Variants in AP3B1 observed in about 807,000 individuals in gnomAD.
AP3B1 encodes adaptor related protein complex 3 subunit beta 1.
In AP3B1, 61 loss-of-function variants were observed where a neutral mutation model predicts 132.5. That is an observed-to-expected ratio of 0.46 (90% confidence interval 0.37 to 0.57). The LOEUF is 0.57. AP3B1 is among the 20% of genes least tolerant of loss of function. The probability of loss-of-function intolerance (pLI) is 0.00; values close to 1 mark genes in which losing one functional copy is unlikely to be tolerated. For synonymous variants in AP3B1, 388 were observed against 438.3 expected (o/e 0.89, Z 1.43); for missense variants, 1,120 against 1,289.4 (o/e 0.87, Z 2.01).
At chr5:78,028,612 T>A in intron 24 of AP3B1, among the ~76,000 whole-genome samples, 1 of 152,168 alleles carries the variant, frequency 6.6e-6, no homozygotes. Flanking sequence ...AGAGATTGTT[T>A]CTGATATTTC....
chr5:78,121,313 A>G (rs1047934670), intron 17 of AP3B1, among the ~76,000 whole-genome samples: 2 of 152,192 alleles, frequency 1.3e-5, no homozygotes, highest in Non-Finnish European at 2.9e-5. Context: ...CACATTCAAA[A>G]GCTAGCAGAA....
intron 22 of AP3B1, among the ~76,000 whole-genome samples, chr5:78,077,800 G>C (rs1749824737): frequency 6.6e-6 from 1 of 152,178 alleles, no homozygotes; most frequent in Non-Finnish European, 1.5e-5. Context: ...TGGTGGATTT[G>C]TCTCTAGTTC....
At chr5:78,161,173 G>T (rs1743373069) in intron 13 of AP3B1, among the ~76,000 whole-genome samples, 1 of 151,784 alleles carries the variant, frequency 6.6e-6, no homozygotes, top group Non-Finnish European at 1.5e-5. Context: ...TGATGTAGGG[G>T]TAGAATATTT....
chr5:78,253,364 C>T (rs1004475807), intron 2 of AP3B1, among the ~76,000 whole-genome samples: 1 of 152,214 alleles, frequency 6.6e-6, no homozygotes, highest in Non-Finnish European at 1.5e-5. Flanking sequence ...GCTGCAAAAA[C>T]CACAGCATTA....
At chr5:78,238,557 G>A (rs546708915) in intron 3 of AP3B1, among the ~76,000 whole-genome samples, 17 of 151,954 alleles carry the variant, frequency 1.1e-4, no homozygotes, top group Non-Finnish European at 2.4e-4. Flanking sequence ...TGTACAGCAT[G>A]TTACTGTACT....
chr5:78,181,719 T>C, intron 7 of AP3B1, 57 bp from the exon 8 acceptor site: 1 of 1,503,438 alleles, frequency 6.7e-7, no homozygotes, highest in Non-Finnish European at 9.1e-7. Flanking sequence ...ATCTGCATAT[T>C]ATATAGTCAA....
At chr5:78,139,359 GGCTAAAACTC>G (rs1268881066) in intron 15 of AP3B1, among the ~76,000 whole-genome samples, 1 of 152,066 alleles carries the variant, frequency 6.6e-6, no homozygotes, top group African/African-American at 2.4e-5. Flanking sequence ...TGGAGTTTCA[GGCTAAAACTC>G]CCTCTATTTT....
intron 3 of AP3B1, among the ~76,000 whole-genome samples, chr5:78,231,975 A>G (rs774934626): frequency 2.6e-5 from 4 of 152,236 alleles, no homozygotes; most frequent in Non-Finnish European, 5.9e-5. Context: ...AGAAATCTAT[A>G]CAATAAAATG....
intron 26 of AP3B1, among the ~76,000 whole-genome samples, chr5:78,008,773 A>C (rs966589026): frequency 2.0e-5 from 3 of 152,220 alleles, no homozygotes; most frequent in Admixed American, 1.3e-4. Context: ...TAGGGCAACA[A>C]GATGTCCAAT....
intron 1 of AP3B1, among the ~76,000 whole-genome samples, chr5:78,291,467 C>T (rs1034110653): frequency 7.5e-6 from 1 of 132,990 alleles, no homozygotes; most frequent in African/African-American, 2.8e-5. Context: ...AGAAACTGGA[C>T]AACCCTGTGA....
intron 6 of AP3B1, among the ~76,000 whole-genome samples, chr5:78,220,544 T>A: frequency 6.7e-6 from 1 of 148,932 alleles, no homozygotes; most frequent in Non-Finnish European, 1.5e-5. Flanking sequence ...TAAACGAAAA[T>A]CAACAACAGA....
chr5:78,251,682 T>A (rs867914434), intron 2 of AP3B1, among the ~76,000 whole-genome samples: 1 of 152,142 alleles, frequency 6.6e-6, no homozygotes. Flanking sequence ...AGGTCCAAAC[T>A]TGAGTCCCTG....
At chr5:78,236,912 G>A (rs6896150) in intron 3 of AP3B1, among the ~76,000 whole-genome samples, 50,171 of 151,958 alleles carry the variant, frequency 0.33, 8,374 homozygotes, top group Middle Eastern at 0.42. Flanking sequence ...GAGAGTAGTT[G>A]AAAATTATCA....
chr5:78,027,214 T>C (rs974253304), intron 24 of AP3B1, among the ~76,000 whole-genome samples: 4 of 151,802 alleles, frequency 2.6e-5, no homozygotes, highest in African/African-American at 9.7e-5. Flanking sequence ...TTAAATACTT[T>C]TATAGTTTTT....
At chr5:78,168,205 T>C (rs1156281377) in intron 11 of AP3B1, among the ~76,000 whole-genome samples, 4 of 150,704 alleles carry the variant, frequency 2.7e-5, no homozygotes. Flanking sequence ...TTTTAACTTT[T>C]AGACAACTTT....
intron 1 of AP3B1, among the ~76,000 whole-genome samples, chr5:78,291,859 G>A (rs1161307682): frequency 6.6e-6 from 1 of 152,160 alleles, no homozygotes; most frequent in East Asian, 1.9e-4. Flanking sequence ...CATCAACACT[G>A]TAGTTGCGTA....
rs1744197175 is a variant in AP3B1, at chr5:78,177,518, T to C, written c.943-82A>G. The C allele has an allele frequency of 5.0e-6, 5 of 995,680 alleles. No individual in the cohort carries two copies. In the Admixed American group the frequency reaches 8.7e-5, roughly 17 times the overall value. 61.7% of individuals were successfully genotyped at this position (995,680 alleles called of 1,614,324 possible). ...TCAAAATCCATTCCTACACATTATT[T>C]CCTCTAAGTCCTACAAATTCCTGTG... On this transcript the variant is annotated intron_variant, in intron 8 of 26. Transcript: ENST00000255194.
At chr5:78,012,027 C>G (rs1746644745) in intron 26 of AP3B1, among the ~76,000 whole-genome samples, 1 of 151,864 alleles carries the variant, frequency 6.6e-6, no homozygotes, top group Admixed American at 6.6e-5. Context: ...AAAATAATCC[C>G]AAACTGATTA....
At position 78,039,029 on chromosome 5, in the gene AP3B1, G is replaced by T. The variant is rs754832294; in HGVS notation, c.2809+14C>A. ...CAAATATAGTTAAGGTTTTAAATGA[G>T]AATTAATATTTACCTATTGGATTAA... On this transcript the variant is annotated intron_variant, in intron 23 of 26. Coordinates refer to ENST00000255194, the MANE Select transcript of AP3B1 (RefSeq NM_003664.5). The T allele has an allele frequency of 6.9e-6, 10 of 1,449,496 alleles. No homozygotes were observed. The highest frequency in any genetic ancestry group is 2.3e-5 in the South Asian group (2 of 86,094). The allele number at this position is 1,449,496 out of a possible 1,614,324, so 89.8% of individuals were successfully genotyped here.
Sources: gnomAD v4.1 joint callset for allele counts (sites outside exome capture counted in the v4.1 genomes callset) on GRCh38, gnomAD v4.1.1 for gene constraint, MANE v1.5 for transcripts, NCBI Gene and HGNC (gene_info 2026-07-23, HGNC 2026-07-21) for gene names.